NAALADL2: variants seen among roughly 807,000 people sequenced by gnomAD.
NAALADL2 encodes the protein inactive N-acetylated-alpha-linked acidic dipeptidase-like protein 2.
Under a neutral mutation model 87.2 loss-of-function variants are expected in NAALADL2, and 76 were observed. The ratio of observed to expected loss-of-function variants is 0.87; its 90% CI spans 0.72 to 1.05. The LOEUF (loss-of-function observed/expected upper bound fraction) is 1.05. Ranked by LOEUF, NAALADL2 falls within the 50% of genes least tolerant of loss-of-function variation. The probability of loss-of-function intolerance (pLI) is 0.00; values close to 1 mark genes in which losing one functional copy is unlikely to be tolerated. For synonymous variants in NAALADL2, 354 were observed against 331.0 expected, an observed-to-expected ratio of 1.07 and a Z score of -0.75; for missense variants, 1,089 against 945.8, an observed-to-expected ratio of 1.15 and a Z score of -1.99.
chr3:175,260,968 T>G (rs1476581308), intron 4 of NAALADL2, among the ~76,000 whole-genome samples: 1 of 152,138 alleles, frequency 6.6e-6, no homozygotes, highest in Non-Finnish European at 1.5e-5. Flanking sequence ...GTAGGAACTA[T>G]GAACTGCAAA....
intron 10 of NAALADL2, among the ~76,000 whole-genome samples, chr3:175,585,876 T>C (rs1175209737): frequency 6.6e-6 from 1 of 152,206 alleles, no homozygotes; most frequent in Non-Finnish European, 1.5e-5. Flanking sequence ...GATTTTGGAA[T>C]ATGAGGAGAT....
intron 1 of NAALADL2, among the ~76,000 whole-genome samples, chr3:174,494,827 C>T (rs1217715490): frequency 1.3e-5 from 2 of 152,088 alleles, no homozygotes; most frequent in African/African-American, 4.8e-5. Flanking sequence ...GATTTTAATG[C>T]TGCTAATCAC....
intron 5 of NAALADL2, among the ~76,000 whole-genome samples, chr3:175,376,396 A>G (rs992951542): frequency 1.3e-5 from 2 of 152,124 alleles, no homozygotes; most frequent in Admixed American, 1.3e-4. Context: ...TATTTATAAT[A>G]TAGAAGGCCT....
chr3:174,710,146 T>A (rs1401093080), intron 2 of NAALADL2, among the ~76,000 whole-genome samples: 1 of 152,144 alleles, frequency 6.6e-6, no homozygotes, highest in African/African-American at 2.4e-5. Context: ...GAAAAGATTT[T>A]GCAGATATAA....
At chr3:175,246,310 A>G (rs906911733) in intron 3 of NAALADL2, among the ~76,000 whole-genome samples, 10 of 152,166 alleles carry the variant, frequency 6.6e-5, no homozygotes, top group African/African-American at 2.4e-4. Context: ...TACTTGTGAT[A>G]GTATTGTAGT....
chr3:175,225,556 G>C (rs1255776183), intron 2 of NAALADL2, among the ~76,000 whole-genome samples: 1 of 151,930 alleles, frequency 6.6e-6, no homozygotes, highest in Non-Finnish European at 1.5e-5. Flanking sequence ...TGTTTAATAT[G>C]CTTATTTTGA....
chr3:174,676,650 G>T (rs994001210), intron 2 of NAALADL2, among the ~76,000 whole-genome samples: 2 of 151,830 alleles, frequency 1.3e-5, no homozygotes, highest in African/African-American at 4.8e-5. Context: ...ATGTGAGACA[G>T]TATATGTATA....
intron 1 of NAALADL2, among the ~76,000 whole-genome samples, chr3:174,473,717 A>G (rs781645562): frequency 2.4e-4 from 36 of 152,190 alleles, no homozygotes; most frequent in Non-Finnish European, 3.5e-4. Context: ...TTGACTTTGG[A>G]CTAAAAAATA....
intron 2 of NAALADL2, among the ~76,000 whole-genome samples, chr3:175,140,025 A>G (rs1729755202): frequency 6.6e-6 from 1 of 152,176 alleles, no homozygotes; most frequent in African/African-American, 2.4e-5. Flanking sequence ...CTTATAGTCT[A>G]TAGAGGAGAT....
chr3:175,642,110 C>A (rs760126083), intron 11 of NAALADL2, among the ~76,000 whole-genome samples: 2 of 152,178 alleles, frequency 1.3e-5, no homozygotes, highest in Non-Finnish European at 2.9e-5. Flanking sequence ...CATCCCAAAT[C>A]TTTATAAAAG....
intron 11 of NAALADL2, among the ~76,000 whole-genome samples, chr3:175,684,478 A>G (rs1357543269): frequency 6.6e-6 from 1 of 152,206 alleles, no homozygotes; most frequent in East Asian, 1.9e-4. Context: ...CTATATAAGA[A>G]TACTCTGAAT....
At chr3:175,181,751 ATATGTGTGTATATATG>A (rs1736570433) in intron 2 of NAALADL2, among the ~76,000 whole-genome samples, 1 of 128,672 alleles carries the variant, frequency 7.8e-6, no homozygotes, top group African/African-American at 3.1e-5. Flanking sequence ...ATATGTATAT[ATATGTGTGTATATATG>A]TGTGTATATA....
intron 2 of NAALADL2, among the ~76,000 whole-genome samples, chr3:174,721,961 C>T (rs1194758645): frequency 1.3e-5 from 2 of 152,178 alleles, no homozygotes; most frequent in African/African-American, 4.8e-5. Flanking sequence ...CTGCCCAGAG[C>T]TCCAGTTTCA....
intron 3 of NAALADL2, among the ~76,000 whole-genome samples, chr3:174,764,426 A>G (rs1204511549): frequency 6.6e-6 from 1 of 152,196 alleles, no homozygotes; most frequent in Non-Finnish European, 1.5e-5. Context: ...CCTGGCCAAT[A>G]TGGTGAAACC....
At chr3:174,635,631 T>C (rs1435367883) in intron 2 of NAALADL2, among the ~76,000 whole-genome samples, 1 of 151,806 alleles carries the variant, frequency 6.6e-6, no homozygotes, top group Non-Finnish European at 1.5e-5. Context: ...GCCTGTCAAG[T>C]AGCTGGGATT....
At chr3:175,602,271 A>G (rs1461357359) in intron 10 of NAALADL2, among the ~76,000 whole-genome samples, 2 of 152,136 alleles carry the variant, frequency 1.3e-5, no homozygotes, top group Non-Finnish European at 2.9e-5. Flanking sequence ...TAAATTCCTC[A>G]TGGAGTAATA....
At chr3:175,140,304 G>A (rs1729800211) in intron 2 of NAALADL2, among the ~76,000 whole-genome samples, 1 of 152,138 alleles carries the variant, frequency 6.6e-6, no homozygotes, top group South Asian at 2.1e-4. Context: ...GTACCCATTA[G>A]ATGTCAGGTA....
intron 1 of NAALADL2, among the ~76,000 whole-genome samples, chr3:174,953,644 G>A (rs1242537171): frequency 1.3e-5 from 2 of 151,854 alleles, no homozygotes; most frequent in African/African-American, 4.8e-5. Context: ...GATGCACGGT[G>A]TCTATTCCCT....
intron 4 of NAALADL2, among the ~76,000 whole-genome samples, chr3:175,293,649 T>G (rs1470562462): frequency 2.0e-5 from 3 of 152,154 alleles, no homozygotes; most frequent in Non-Finnish European, 4.4e-5. Context: ...ATCAATGCCC[T>G]TATTAAAGAT....
Sources: allele counts gnomAD v4.1 joint callset (sites outside exome capture counted in the v4.1 genomes callset), GRCh38; gene constraint gnomAD v4.1.1; transcripts MANE v1.5; gene names NCBI Gene and HGNC (gene_info 2026-07-23, HGNC 2026-07-21).